SPIRE1: variants seen among roughly 807,000 people sequenced by gnomAD.
The protein encoded by SPIRE1 is spire type actin nucleation factor 1.
SPIRE1 carries 40 observed loss-of-function variants against 94.1 expected under a neutral mutation model. The ratio of observed to expected loss-of-function variants is 0.43; its 90% confidence interval spans 0.33 to 0.55. The LOEUF (loss-of-function observed/expected upper bound fraction) is 0.55, where lower values mean the gene tolerates loss of function less well. Among genes scored for constraint, SPIRE1 ranks in the 20% least tolerant of loss-of-function variants. SPIRE1 has a pLI of 0.06. For missense variants in SPIRE1, 838 were observed against 975.2 expected (o/e 0.86, Z 1.87); for synonymous variants, 376 against 371.7 (o/e 1.01, Z -0.13).
chr18:12,597,367 A>G (rs2036705794), intron 2 of SPIRE1, among the ~76,000 whole-genome samples: 1 of 152,166 alleles, frequency 6.6e-6, no homozygotes, highest in Non-Finnish European at 1.5e-5. Context: ...GCACACACAC[A>G]GGGAAGGAAA....
At chr18:12,573,292 C>T (rs1490576974) in intron 2 of SPIRE1, among the ~76,000 whole-genome samples, 1 of 152,086 alleles carries the variant, frequency 6.6e-6, no homozygotes, top group Non-Finnish European at 1.5e-5. Context: ...TACTACTACA[C>T]CCCTCCGAGA....
intron 2 of SPIRE1, among the ~76,000 whole-genome samples, chr18:12,587,179 C>T (rs2036411501): frequency 6.6e-6 from 1 of 152,170 alleles, no homozygotes; most frequent in Non-Finnish European, 1.5e-5. Flanking sequence ...TAGGTGGCAC[C>T]AACACCTGTG....
At chr18:12,614,296 A>G (rs1350899294) in intron 2 of SPIRE1, among the ~76,000 whole-genome samples, 2 of 152,108 alleles carry the variant, frequency 1.3e-5, no homozygotes, top group Non-Finnish European at 2.9e-5. Context: ...AAAAAGATAT[A>G]TATATAATGA....
chr18:12,590,045 A>G (rs2036487932), intron 2 of SPIRE1, among the ~76,000 whole-genome samples: 1 of 56,898 alleles, frequency 1.8e-5, no homozygotes, highest in Non-Finnish European at 3.5e-5. Context: ...CATTTTTCCT[A>G]TGCAGTAACT....
chr18:12,452,136 A>G, intron 16 of SPIRE1, 119 bp downstream of exon 16: 1 of 1,270,070 alleles, frequency 7.9e-7, no homozygotes, highest in Non-Finnish European at 1.1e-6. Context: ...CTGTATTAAA[A>G]CCAACCAACA....
chr18:12,556,394 A>G (rs2035504462), intron 2 of SPIRE1, among the ~76,000 whole-genome samples: 2 of 152,254 alleles, frequency 1.3e-5, no homozygotes, highest in South Asian at 4.1e-4. Context: ...GAATCATGTT[A>G]ACTTTAAATA....
At chr18:12,477,893 G>A (rs549892879) in intron 10 of SPIRE1, among the ~76,000 whole-genome samples, 9 of 152,196 alleles carry the variant, frequency 5.9e-5, no homozygotes, top group Admixed American at 2.0e-4. Context: ...GTCTGCAGGC[G>A]TGTGATCAGG....
intron 16 of SPIRE1, among the ~76,000 whole-genome samples, chr18:12,451,325 ATT>A (rs59709588): frequency 0.031 from 4,705 of 152,236 alleles, 138 homozygotes; most frequent in East Asian, 0.095. Flanking sequence ...TTGTGCGATT[ATT>A]TATTGGGATT....
intron 1 of SPIRE1, among the ~76,000 whole-genome samples, chr18:12,645,250 G>A (rs934535696): frequency 2.0e-5 from 3 of 152,176 alleles, no homozygotes; most frequent in Non-Finnish European, 2.9e-5. Context: ...ATGTTATGGT[G>A]TGACATTCAA....
At chr18:12,649,341 G>A (rs999729824) in intron 1 of SPIRE1, among the ~76,000 whole-genome samples, 7 of 151,910 alleles carry the variant, frequency 4.6e-5, no homozygotes, top group Non-Finnish European at 8.8e-5. Flanking sequence ...TCCAGGAGCC[G>A]GGGGCTGCAG....
chr18:12,587,643 T>C (rs181753618), intron 2 of SPIRE1, among the ~76,000 whole-genome samples: 39 of 152,284 alleles, frequency 2.6e-4, no homozygotes, highest in Admixed American at 2.1e-3. Context: ...GTACTCCACA[T>C]TTTTAACAAC....
chr18:12,626,265 CTG>C (rs1167842581), intron 2 of SPIRE1, among the ~76,000 whole-genome samples: 1 of 152,148 alleles, frequency 6.6e-6, no homozygotes, highest in Non-Finnish European at 1.5e-5. Flanking sequence ...GGGTCAAAAA[CTG>C]TACATAACCA....
chr18:12,531,355 C>G (rs2144170394), intron 4 of SPIRE1, among the ~76,000 whole-genome samples: 2 of 152,308 alleles, frequency 1.3e-5, no homozygotes, highest in Non-Finnish European at 2.9e-5. Flanking sequence ...CTTTCTGACT[C>G]ACATATTCTC....
At position 12,485,956 on chromosome 18, in the gene SPIRE1, T is replaced by C. The variant is rs2033023029; in HGVS notation, c.1231+3A>G. 5.2e-6 allele frequency: 8 copies of C among 1,533,376 alleles called. No homozygotes were observed. Among genetic ancestry groups the C allele is most frequent in the Non-Finnish European group, 7.0e-6 (8 of 1,141,348 alleles). The allele number at this position is 1,533,376 out of a possible 1,614,324, so 95.0% of individuals were successfully genotyped here. A position where few individuals can be genotyped will look rare whatever the true frequency, so the allele number is the denominator to read the frequency against. On this transcript the variant is annotated splice_donor_region_variant and intron_variant, in intron 9 of 16. Transcript: ENST00000409402. ...GGTGTAAAAGTGTTTTTGTTTTTTT[T>C]ACCTGACAAGTCAAAACTGTAAGAC...
intron 9 of SPIRE1, among the ~76,000 whole-genome samples, chr18:12,481,902 A>C (rs1182795414): frequency 6.6e-6 from 1 of 152,162 alleles, no homozygotes; most frequent in Non-Finnish European, 1.5e-5. Flanking sequence ...TTTCTAGGAG[A>C]AAGCACAAGT....
chr18:12,634,268 A>ATAATAAT (rs1555635123), intron 2 of SPIRE1, among the ~76,000 whole-genome samples: 3 of 144,646 alleles, frequency 2.1e-5, no homozygotes, highest in South Asian at 2.2e-4. Context: ...TAAAAAAAAA[A>ATAATAAT]AAAAATAATA....
At chr18:12,592,749 T>C (rs2036568746) in intron 2 of SPIRE1, among the ~76,000 whole-genome samples, 1 of 152,244 alleles carries the variant, frequency 6.6e-6, no homozygotes, top group African/African-American at 2.4e-5. Flanking sequence ...AAAAGCTCCT[T>C]AGGTGACTGT....
chr18:12,521,031 C>T (rs2034342814), intron 4 of SPIRE1, among the ~76,000 whole-genome samples: 2 of 152,092 alleles, frequency 1.3e-5, no homozygotes, highest in Admixed American at 6.5e-5. Flanking sequence ...AAAATACTTA[C>T]ATTTGATTTT....
intron 10 of SPIRE1, 136 bp from the exon 11 acceptor site, chr18:12,465,094 C>A: frequency 1.4e-6 from 1 of 708,828 alleles, no homozygotes; most frequent in Non-Finnish European, 2.4e-6. Flanking sequence ...AAGCAAAAGA[C>A]AAACTAGAAG....
Sources: gnomAD v4.1 joint callset for allele counts (sites outside exome capture counted in the v4.1 genomes callset) on GRCh38, gnomAD v4.1.1 for gene constraint, MANE v1.5 for transcripts, NCBI Gene and HGNC (gene_info 2026-07-23, HGNC 2026-07-21) for gene names.